Variants in FRMD4A observed in about 807,000 individuals in gnomAD.
The protein encoded by FRMD4A is FERM domain-containing protein 4A.
A neutral mutation model predicts 129.1 loss-of-function variants in FRMD4A; 29 were observed. The ratio of observed to expected loss-of-function variants is 0.22; its 90% CI spans 0.17 to 0.31. The LOEUF is 0.31. FRMD4A is among the 10% of genes least tolerant of loss of function. FRMD4A has a pLI of 1.00. For missense variants in FRMD4A, 1,272 were observed against 1,375.8 expected (o/e 0.92, Z 1.19); for synonymous variants, 634 against 571.6 (o/e 1.11, Z -1.56).
In FRMD4A at chr10:13,869,508, C is replaced by T. The variant is rs1248864113; in HGVS notation, c.46-10596G>A. 2.6e-5 allele frequency among the ~76,000 whole-genome samples: 4 copies of T among 152,270 alleles called. 1 individual carries two copies. In the South Asian group the frequency reaches 8.3e-4, roughly 31 times the overall value. On this transcript the variant is annotated intron_variant, in intron 2 of 24. Transcript: ENST00000357447. ...CACCCTCCTCACGCCTGGCAGCCAA[C>T]GCTCTGACTACAATGACAAGGGCAG...
intron 16 of FRMD4A, 66 bp downstream of exon 16, chr10:13,674,845 C>T (rs2083838987): frequency 6.7e-7 from 1 of 1,503,222 alleles, no homozygotes; most frequent in East Asian, 2.3e-5. Context: ...GATCAAATGA[C>T]ATCAGAAAGA....
intron 3 of FRMD4A, among the ~76,000 whole-genome samples, chr10:13,844,347 T>C (rs2094012769): frequency 6.6e-6 from 1 of 152,182 alleles, no homozygotes; most frequent in Non-Finnish European, 1.5e-5. Flanking sequence ...TACTCATCTG[T>C]GGTTAAATGA....
chr10:14,189,587 A>G (rs1842255278), intron 2 of FRMD4A, among the ~76,000 whole-genome samples: 1 of 152,192 alleles, frequency 6.6e-6, no homozygotes, highest in Non-Finnish European at 1.5e-5. Context: ...AAAAGAAAAA[A>G]GAGGAGGAAG....
intron 2 of FRMD4A, among the ~76,000 whole-genome samples, chr10:14,011,641 T>C (rs2095682754): frequency 6.6e-6 from 1 of 152,186 alleles, no homozygotes; most frequent in Non-Finnish European, 1.5e-5. Context: ...TATGTGGCTC[T>C]GGGCCAGCCC....
At chr10:14,258,449 T>A (rs1235092754) in intron 2 of FRMD4A, among the ~76,000 whole-genome samples, 1 of 151,716 alleles carries the variant, frequency 6.6e-6, no homozygotes, top group Non-Finnish European at 1.5e-5. Context: ...CATGAAAAAA[T>A]CCTCAGCACC....
chr10:13,879,731 C>G, intron 2 of FRMD4A, among the ~76,000 whole-genome samples: 1 of 146,026 alleles, frequency 6.8e-6, no homozygotes, highest in South Asian at 2.3e-4. Flanking sequence ...TCCCTTCTCC[C>G]TCCTCCTCTC....
intron 3 of FRMD4A, among the ~76,000 whole-genome samples, chr10:13,815,527 G>A (rs865927878): frequency 1.3e-5 from 2 of 151,962 alleles, no homozygotes; most frequent in South Asian, 2.1e-4. Flanking sequence ...TTGCACATAC[G>A]AAAATGGTTA....
intron 3 of FRMD4A, among the ~76,000 whole-genome samples, chr10:13,854,748 T>A (rs548575581): frequency 6.6e-6 from 1 of 152,170 alleles, no homozygotes; most frequent in Non-Finnish European, 1.5e-5. Flanking sequence ...AGGCTTTTTT[T>A]AAAGTACATT....
chr10:13,975,156 G>A (rs2095537246), intron 2 of FRMD4A, among the ~76,000 whole-genome samples: 1 of 151,442 alleles, frequency 6.6e-6, no homozygotes, highest in Non-Finnish European at 1.5e-5. Context: ...TGTCTACTGT[G>A]TGTCTGTGAG....
chr10:14,253,375 T>C (rs1022764709), intron 2 of FRMD4A, among the ~76,000 whole-genome samples: 26 of 152,224 alleles, frequency 1.7e-4, no homozygotes, highest in African/African-American at 5.8e-4. Context: ...AATTCCCACG[T>C]GACTAACTTT....
intron 2 of FRMD4A, among the ~76,000 whole-genome samples, chr10:13,934,776 T>C (rs1306516690): frequency 2.0e-5 from 3 of 152,180 alleles, no homozygotes; most frequent in Non-Finnish European, 2.9e-5. Flanking sequence ...TAGTAAAAAA[T>C]TCAATATCAG....
At chr10:14,274,657 G>A (rs1380770041) in intron 2 of FRMD4A, among the ~76,000 whole-genome samples, 3 of 152,160 alleles carry the variant, frequency 2.0e-5, no homozygotes, top group Non-Finnish European at 4.4e-5. Context: ...CAGGGACGCT[G>A]AAGGGAGAAT....
intron 2 of FRMD4A, among the ~76,000 whole-genome samples, chr10:14,166,936 T>C (rs1426555078): frequency 6.6e-6 from 1 of 152,212 alleles, no homozygotes; most frequent in Non-Finnish European, 1.5e-5. Context: ...CCTATATTTC[T>C]GTACCATGCT....
intron 2 of FRMD4A, among the ~76,000 whole-genome samples, chr10:14,140,429 T>C (rs1317383775): frequency 6.6e-6 from 1 of 152,232 alleles, no homozygotes; most frequent in Non-Finnish European, 1.5e-5. Flanking sequence ...GAACGTTTTG[T>C]ACACATTATT....
At chr10:13,700,488 G>A (rs779767046) in intron 14 of FRMD4A, among the ~76,000 whole-genome samples, 1 of 152,192 alleles carries the variant, frequency 6.6e-6, no homozygotes, top group Non-Finnish European at 1.5e-5. Flanking sequence ...TAGCCCAGGG[G>A]CCCAGGGTGA....
chr10:13,652,293 G>T, intron 23 of FRMD4A: 1 of 383,080 alleles, frequency 2.6e-6, no homozygotes, highest in Non-Finnish European at 4.8e-6. Context: ...AGTTGTAGGT[G>T]GTGAAATAGG....
At chr10:14,167,074 A>C (rs1175956230) in intron 2 of FRMD4A, among the ~76,000 whole-genome samples, 19 of 152,236 alleles carry the variant, frequency 1.2e-4, no homozygotes, top group Non-Finnish European at 8.8e-5. Context: ...CTATTCCAAA[A>C]TAGCCAGAAG....
At chr10:13,881,318 G>A (rs1476634165) in intron 2 of FRMD4A, among the ~76,000 whole-genome samples, 1 of 151,598 alleles carries the variant, frequency 6.6e-6, no homozygotes, top group Non-Finnish European at 1.5e-5. Context: ...AGGTACTGGG[G>A]AGGCTGAGGT....
At chr10:14,240,416 T>C (rs549937884) in intron 2 of FRMD4A, among the ~76,000 whole-genome samples, 2 of 152,272 alleles carry the variant, frequency 1.3e-5, no homozygotes, top group South Asian at 2.1e-4. Context: ...TGGTGTATGA[T>C]GATAAATAGT....
Sources: gnomAD v4.1 joint callset for allele counts (sites outside exome capture counted in the v4.1 genomes callset) on GRCh38, gnomAD v4.1.1 for gene constraint, MANE v1.5 for transcripts, NCBI Gene and HGNC (gene_info 2026-07-23, HGNC 2026-07-21) for gene names.